USH2A: variants seen among roughly 807,000 people sequenced by gnomAD.
USH2A encodes usherin, also known as Usher syndrome 2A (autosomal recessive, mild).
A neutral mutation model predicts 538.9 loss-of-function variants in USH2A; 443 were observed. The ratio of observed to expected loss-of-function variants is 0.82; its 90% CI spans 0.76 to 0.89. The LOEUF is 0.89. Among genes scored for constraint, USH2A ranks in the 40% least tolerant of loss-of-function variants. The pLI, the probability that USH2A is intolerant of heterozygous loss-of-function variation, is 0.00. For synonymous variants in USH2A, 2,413 were observed against 2,273.5 expected, an observed-to-expected ratio of 1.06 and a Z score of -1.75; for missense variants, 6,633 against 6,324.8, an observed-to-expected ratio of 1.05 and a Z score of -1.65.
In USH2A at chr1:215,741,438, A is replaced by T; in HGVS notation, c.11648T>A (p.Ile3883Lys). The T allele has an allele frequency of 1.2e-6, 2 of 1,614,092 alleles. No homozygotes were observed. The change falls in exon 60 of 72, where the codon ATA (isoleucine) becomes AAA (lysine). Residue 3883 changes from isoleucine to lysine, a missense_variant. Physicochemically the swap from Ile to Lys is moderately radical, Grantham distance 102. Coordinates refer to ENST00000307340, the MANE Select transcript of USH2A (RefSeq NM_206933.4). ...PVLKALGSAC[I>K]EIKWMPPEKP... is the part of the protein sequence containing the mutation. ...TTCAGGTGGCATCCACTTAATCTCT[A>T]TGCAAGCTGACCCCAGTGCCTTAAG...
chr1:216,038,061 T>C (rs1161940974), intron 32 of USH2A, among the ~76,000 whole-genome samples: 1 of 152,064 alleles, frequency 6.6e-6, no homozygotes, highest in South Asian at 2.1e-4. Flanking sequence ...ATTGTTTGTC[T>C]TCCTCAATTA....
chr1:215,813,473 G>C (rs1662760274), intron 49 of USH2A, among the ~76,000 whole-genome samples: 1 of 152,134 alleles, frequency 6.6e-6, no homozygotes, highest in South Asian at 2.1e-4. Flanking sequence ...AAGATAAAAG[G>C]AGTTAGCCAG....
chr1:216,306,483 C>T (rs1553329670), intron 9 of USH2A, among the ~76,000 whole-genome samples: 1 of 152,132 alleles, frequency 6.6e-6, no homozygotes, highest in Non-Finnish European at 1.5e-5. Flanking sequence ...ACTTAATAAT[C>T]AACCTTCTGA....
intron 32 of USH2A, among the ~76,000 whole-genome samples, chr1:216,027,416 G>T (rs369070877): frequency 3.9e-5 from 6 of 152,144 alleles, no homozygotes; most frequent in African/African-American, 1.4e-4. Flanking sequence ...CATTCCTGTT[G>T]TTTAAGCCAC....
intron 38 of USH2A, among the ~76,000 whole-genome samples, chr1:215,904,867 T>C (rs987547291): frequency 5.3e-5 from 8 of 152,194 alleles, no homozygotes; most frequent in Non-Finnish European, 1.0e-4. Context: ...CATTAAGCAA[T>C]AAATTAAATC....
chr1:215,772,376 G>T (rs1198190450), intron 55 of USH2A, among the ~76,000 whole-genome samples: 1 of 152,140 alleles, frequency 6.6e-6, no homozygotes, highest in East Asian at 1.9e-4. Flanking sequence ...GTACAGAAAG[G>T]CAAACACATG....
Position 216,232,056 on chromosome 1 carries a change from T to G in USH2A, c.2890A>C (p.Asn964His). Residue 964 changes from asparagine (N) to histidine (H), a missense_variant, in exon 14 of 72, where the codon AAT becomes CAT. By Grantham distance (68) the Asn-to-His change is moderately conservative. Transcript: ENST00000307340. ...CAAACACACTGACCAGTCAGGCTAT[T>G]ACAGATGTGATTAACTGCACCAGTT... ...HTTGAVNHIC[N>H]SLTGQCVCQD... 1 of 1,614,046 alleles carries G rather than the reference T, an allele frequency of 6.2e-7. No individual in the cohort carries two copies. Among genetic ancestry groups the G allele is most frequent in the South Asian group, 1.1e-5 (1 of 91,074 alleles).
At chr1:216,169,539 A>C (rs2034239004) in intron 21 of USH2A, among the ~76,000 whole-genome samples, 1 of 152,138 alleles carries the variant, frequency 6.6e-6, no homozygotes, top group Admixed American at 6.6e-5. Context: ...ACTAAATATA[A>C]TAAAAAATAA....
In USH2A at chr1:216,118,008, G is replaced by T. The variant is rs140130505; in HGVS notation, c.4628-20795C>A. Among the ~76,000 whole-genome samples the T allele has an allele frequency of 2.6e-3, 390 of 151,990 alleles. 1 individual carries two copies. The highest frequency in any genetic ancestry group is 9.2e-3 in the African/African-American group (383 of 41,488). On this transcript the variant is annotated intron_variant, in intron 21 of 71. Coordinates refer to ENST00000307340, the MANE Select transcript of USH2A (RefSeq NM_206933.4). ...TGTGGGAAGGGGAATTTGATGTTTG[G>T]CTTAATGATTAAAAAACAAATGCTA...
chr1:216,407,282 A>G (rs2039411388), intron 3 of USH2A, among the ~76,000 whole-genome samples: 1 of 152,208 alleles, frequency 6.6e-6, no homozygotes, highest in African/African-American at 2.4e-5. Flanking sequence ...GCTGTCTAAC[A>G]TAAGACATTA....
At chr1:216,126,438 T>C (rs928103577) in intron 21 of USH2A, among the ~76,000 whole-genome samples, 1 of 152,154 alleles carries the variant, frequency 6.6e-6, no homozygotes, top group Non-Finnish European at 1.5e-5. Flanking sequence ...CTGGCCAGGC[T>C]GGTCTTGAAC....
intron 58 of USH2A, among the ~76,000 whole-genome samples, chr1:215,746,379 T>C (rs1025020967): frequency 6.6e-6 from 1 of 151,940 alleles, no homozygotes; most frequent in African/African-American, 2.4e-5. Flanking sequence ...GAATGAATAA[T>C]TGTAAAGTAA....
chr1:216,051,956 T>C (rs1033163864), intron 30 of USH2A, among the ~76,000 whole-genome samples: 12 of 152,218 alleles, frequency 7.9e-5, no homozygotes, highest in Admixed American at 1.3e-4. Flanking sequence ...GGGTATTCTA[T>C]AGACTTTCAG....
chr1:215,953,204 G>GA, intron 37 of USH2A, among the ~76,000 whole-genome samples: 1 of 152,078 alleles, frequency 6.6e-6, no homozygotes, highest in African/African-American at 2.4e-5. Flanking sequence ...CACAGAATTG[G>GA]AAAAAACTAC....
chr1:216,262,828 T>C (rs557755813), intron 11 of USH2A, among the ~76,000 whole-genome samples: 1 of 151,352 alleles, frequency 6.6e-6, no homozygotes, highest in South Asian at 2.1e-4. Flanking sequence ...CCAAAAACAA[T>C]ACAAAAGCTC....
chr1:215,925,217 A>G (rs2102491767), intron 38 of USH2A, among the ~76,000 whole-genome samples: 1 of 152,280 alleles, frequency 6.6e-6, no homozygotes, highest in South Asian at 2.1e-4. Flanking sequence ...ATTTGAGAGC[A>G]TGTTTAAGAC....
intron 63 of USH2A, among the ~76,000 whole-genome samples, chr1:215,672,675 G>C (rs901129320): frequency 1.3e-5 from 2 of 152,170 alleles, no homozygotes; most frequent in Admixed American, 6.5e-5. Context: ...TGGGGGTGCT[G>C]AAAGGAGGAC....
chr1:216,293,188 C>A (rs572281307), intron 9 of USH2A, among the ~76,000 whole-genome samples: 1 of 152,056 alleles, frequency 6.6e-6, no homozygotes, highest in Non-Finnish European at 1.5e-5. Flanking sequence ...CCACGCTTGG[C>A]TAATTTTTTG....
At chr1:215,727,808 T>C (rs1339380084) in intron 61 of USH2A, among the ~76,000 whole-genome samples, 1 of 152,184 alleles carries the variant, frequency 6.6e-6, no homozygotes, top group Non-Finnish European at 1.5e-5. Flanking sequence ...TTATTGGTTT[T>C]GAGGTAATCA....
Sources: allele counts gnomAD v4.1 joint callset (sites outside exome capture counted in the v4.1 genomes callset), GRCh38; gene constraint gnomAD v4.1.1; transcripts MANE v1.5; gene names NCBI Gene and HGNC (gene_info 2026-07-23, HGNC 2026-07-21).